Variants in ASTN2 observed in about 807,000 individuals in gnomAD.
The protein encoded by ASTN2 is astrotactin 2, also known as astrotactin-2.
ASTN2 carries 54 observed loss-of-function variants against 139.8 expected under a neutral mutation model. The ratio of observed to expected loss-of-function variants is 0.39; its 90% CI spans 0.31 to 0.48. The LOEUF is 0.48. Among genes scored for constraint, ASTN2 ranks in the 20% least tolerant of loss-of-function variants. ASTN2 has a pLI of 0.95. For synonymous variants in ASTN2, 756 were observed against 719.5 expected (o/e 1.05, Z -0.81); for missense variants, 1,565 against 1,725.1 (o/e 0.91, Z 1.64).
intron 1 of ASTN2, among the ~76,000 whole-genome samples, chr9:117,413,435 A>G (rs1831227302): frequency 6.6e-6 from 1 of 152,184 alleles, no homozygotes. Context: ...TGTTGGCCAG[A>G]CTCCGACAAC....
intron 1 of ASTN2, among the ~76,000 whole-genome samples, chr9:117,294,274 T>C (rs1834672601): frequency 6.6e-6 from 1 of 152,254 alleles, no homozygotes. Context: ...GCTCTTTGTT[T>C]GCTACAGCGA....
chr9:116,707,285 CAAAAAAAAAAAAA>C (rs766053427), intron 16 of ASTN2, among the ~76,000 whole-genome samples: 9 of 60,628 alleles, frequency 1.5e-4, no homozygotes, highest in South Asian at 1.7e-3. Context: ...GCCCCCTGAC[CAAAAAAAAAAAAA>C]AAAAAAAAAA....
intron 20 of ASTN2, among the ~76,000 whole-genome samples, chr9:116,446,714 G>A (rs1041872763): frequency 6.6e-6 from 1 of 152,044 alleles, no homozygotes; most frequent in Non-Finnish European, 1.5e-5. Flanking sequence ...TCCTTTCCTT[G>A]GCCTTATTTC....
At chr9:117,402,239 G>C (rs539979251) in intron 1 of ASTN2, among the ~76,000 whole-genome samples, 2 of 152,008 alleles carry the variant, frequency 1.3e-5, no homozygotes, top group South Asian at 2.1e-4. Context: ...GATAATTTTT[G>C]TGTTTTTAGT....
rs910716982 is a variant in ASTN2, at chr9:117,069,338, CTGAGTTCTAGTT to C, written c.1276+26694_1276+26705del. Among the ~76,000 whole-genome samples, 469 of 111,494 alleles carry C rather than the reference CTGAGTTCTAGTT, an allele frequency of 4.2e-3. 49 individuals carry two copies. Among genetic ancestry groups the C allele is most frequent in the African/African-American group, 0.017 (442 of 25,692 alleles). The allele number at this position is 111,494 out of a possible 152,430, so 73.1% of individuals were successfully genotyped here. A position where few individuals can be genotyped will look rare whatever the true frequency, so the allele number is the denominator to read the frequency against. ...GCGGCTTTGAGTGAGATTCTTAATCCTGAGTTCTAGTTTGATTGCCCTGTGGTCTGAGAGATA... is the reference window on the plus strand; with the variant it reads ...GCGGCTTTGAGTGAGATTCTTAATCCTGATTGCCCTGTGGTCTGAGAGATA... On this transcript the variant is annotated intron_variant, in intron 5 of 22. Coordinates refer to ENST00000313400, the MANE Select transcript of ASTN2 (RefSeq NM_001365068.1).
At chr9:117,240,394 T>C (rs1412813608) in intron 2 of ASTN2, among the ~76,000 whole-genome samples, 1 of 152,178 alleles carries the variant, frequency 6.6e-6, no homozygotes, top group Non-Finnish European at 1.5e-5. Context: ...GAACTGAGCC[T>C]TGAATAGGAT....
chr9:117,361,758 T>C (rs1461634356), intron 1 of ASTN2, among the ~76,000 whole-genome samples: 1 of 152,120 alleles, frequency 6.6e-6, no homozygotes, highest in East Asian at 1.9e-4. Flanking sequence ...TCTATACCAA[T>C]CTCTAGGACC....
At chr9:117,001,401 T>C (rs1435485353) in intron 7 of ASTN2, among the ~76,000 whole-genome samples, 1 of 152,212 alleles carries the variant, frequency 6.6e-6, no homozygotes, top group Non-Finnish European at 1.5e-5. Context: ...GTTCTAGCTG[T>C]TCTTTTAGGG....
intron 10 of ASTN2, among the ~76,000 whole-genome samples, chr9:116,913,233 T>C (rs1834362955): frequency 6.6e-6 from 1 of 152,196 alleles, no homozygotes; most frequent in Non-Finnish European, 1.5e-5. Flanking sequence ...TTTCTGAGCC[T>C]TTGGTTTCTC....
At chr9:116,431,100 G>C (rs994138313) in intron 22 of ASTN2, among the ~76,000 whole-genome samples, 10 of 152,314 alleles carry the variant, frequency 6.6e-5, no homozygotes, top group Non-Finnish European at 1.0e-4. Flanking sequence ...GGAATCGCTT[G>C]TGAAAGAGTC....
intron 3 of ASTN2, among the ~76,000 whole-genome samples, chr9:117,174,127 A>C (rs201119144): frequency 8.0e-5 from 3 of 37,552 alleles, no homozygotes; most frequent in African/African-American, 2.1e-4. Context: ...AGCTAACTAG[A>C]TAGATAGATA....
Position 117,169,850 on chromosome 9 carries a change from T to C in ASTN2, c.1016-28372A>G, listed in dbSNP as rs915388598. Among the ~76,000 whole-genome samples the C allele has an allele frequency of 5.3e-5, 8 of 152,240 alleles. No individual in the cohort carries two copies. The East Asian group carries it at 9.7e-4, about 18-fold the overall frequency. ...TCCCAACAAAAGCAAGGAGGAGATATGTAAACACCAAACTCTAAGAGAAAG... is the reference window on the plus strand; with the variant it reads ...TCCCAACAAAAGCAAGGAGGAGATACGTAAACACCAAACTCTAAGAGAAAG... On this transcript the variant is annotated intron_variant, in intron 3 of 22. Coordinates refer to ENST00000313400, the MANE Select transcript of ASTN2 (RefSeq NM_001365068.1).
intron 8 of ASTN2, 96 bp downstream of exon 8, chr9:116,976,605 C>A (rs1479312307): frequency 9.7e-7 from 1 of 1,028,766 alleles, no homozygotes; most frequent in South Asian, 1.6e-5. Flanking sequence ...GAGAAAGAGT[C>A]CTCTTTGTGG....
intron 10 of ASTN2, among the ~76,000 whole-genome samples, chr9:116,925,228 A>G (rs1014907645): frequency 6.6e-6 from 1 of 152,146 alleles, no homozygotes; most frequent in African/African-American, 2.4e-5. Flanking sequence ...CAGCACTACC[A>G]CCACTACCAT....
chr9:117,051,532 C>T (rs1026716965), intron 5 of ASTN2, among the ~76,000 whole-genome samples: 3 of 152,174 alleles, frequency 2.0e-5, no homozygotes, highest in African/African-American at 7.2e-5. Context: ...ATTCCTACAA[C>T]TATAACCAGC....
chr9:116,513,451 A>G (rs1174097854), intron 19 of ASTN2, among the ~76,000 whole-genome samples: 9 of 151,886 alleles, frequency 5.9e-5, no homozygotes, highest in Non-Finnish European at 1.3e-4. Flanking sequence ...CTTCATTTCA[A>G]CTTTGGTGAA....
chr9:117,338,457 A>T (rs555169810), intron 1 of ASTN2, among the ~76,000 whole-genome samples: 3 of 152,172 alleles, frequency 2.0e-5, no homozygotes, highest in Admixed American at 6.6e-5. Flanking sequence ...CCCATCTTCA[A>T]ATCTTTCCAA....
chr9:116,741,479 C>G (rs537895810), intron 13 of ASTN2, among the ~76,000 whole-genome samples: 3 of 152,140 alleles, frequency 2.0e-5, no homozygotes, highest in Non-Finnish European at 4.4e-5. Context: ...GTACACTGTG[C>G]CTCATCCCCC....
At chr9:117,270,818 T>C (rs1834045835) in intron 2 of ASTN2, among the ~76,000 whole-genome samples, 1 of 152,254 alleles carries the variant, frequency 6.6e-6, no homozygotes, top group Non-Finnish European at 1.5e-5. Flanking sequence ...CCTAGCATTA[T>C]TATAACTATT....
Sources: allele counts gnomAD v4.1 joint callset (sites outside exome capture counted in the v4.1 genomes callset), GRCh38; gene constraint gnomAD v4.1.1; transcripts MANE v1.5; gene names NCBI Gene and HGNC (gene_info 2026-07-23, HGNC 2026-07-21).